Variants in PCDHGA6 observed in about 807,000 individuals in gnomAD.
PCDHGA6 encodes protocadherin gamma-A6.
Under a neutral mutation model 60.6 loss-of-function variants are expected in PCDHGA6, and 41 were observed. That is an observed-to-expected ratio of 0.68 (90% CI 0.53 to 0.88). The LOEUF is 0.88. Among genes scored for constraint, PCDHGA6 ranks in the 40% least tolerant of loss-of-function variants. The probability of loss-of-function intolerance (pLI) is 0.00; values close to 1 mark genes in which losing one functional copy is unlikely to be tolerated. For missense variants in PCDHGA6, 1,312 were observed against 1,203.0 expected (o/e 1.09, Z -1.34); for synonymous variants, 594 against 524.4 (o/e 1.13, Z -1.81).
intron 1 of PCDHGA6, chr5:141,428,054 G>A (rs763394113): frequency 6.2e-7 from 1 of 1,609,038 alleles, no homozygotes; most frequent in Admixed American, 1.7e-5. Context: ...CCAAGGTGGT[G>A]GCGGTGGACG....
chr5:141,383,861 C>T, intron 1 of PCDHGA6: 2 of 1,613,936 alleles, frequency 1.2e-6, no homozygotes, highest in Non-Finnish European at 8.5e-7. Context: ...GAGGTTCAGG[C>T]TCAAGATGGT....
At chr5:141,497,479 G>A (rs1028715475) in intron 2 of PCDHGA6, among the ~76,000 whole-genome samples, 5 of 151,886 alleles carry the variant, frequency 3.3e-5, no homozygotes, top group Non-Finnish European at 7.4e-5. Flanking sequence ...GAGAAGGTGC[G>A]GAACCTCTCT....
At chr5:141,441,782 G>T in intron 1 of PCDHGA6, 1 of 391,086 alleles carries the variant, frequency 2.6e-6, no homozygotes, top group East Asian at 8.8e-5. Context: ...TGGACGACCT[G>T]AATGACAACG....
Position 141,413,755 on chromosome 5 carries a change from A to T in PCDHGA6, c.2424+37248A>T, listed in dbSNP as rs199577406. On this transcript the variant is annotated intron_variant, in intron 1 of 3. Transcript: ENST00000517434. ...AGTTCAGAGCCGTGCCAATGGCGTC[A>T]AGTACCCGGAGCTGGTACTGGAGCA... 1.6e-4 allele frequency: 266 copies of T among 1,612,936 alleles called. 3 individuals carry two copies. In the South Asian group the frequency reaches 2.3e-3, roughly 14 times the overall value.
Position 141,394,174 on chromosome 5 carries a change from A to G in PCDHGA6, c.2424+17667A>G, listed in dbSNP as rs774402638. On this transcript the variant is annotated intron_variant, in intron 1 of 3. Coordinates refer to ENST00000517434, the MANE Select transcript of PCDHGA6 (RefSeq NM_018919.3). ...AACGACAACCCTCCTACTTTCCCTC[A>G]TGCCTCCTACTCAGCGTATATCCTA... 3 of 1,613,706 alleles carry G rather than the reference A, an allele frequency of 1.9e-6. No individual in the cohort carries two copies. In the East Asian group the frequency reaches 6.7e-5, roughly 36 times the overall value.
In PCDHGA6 at chr5:141,481,621, C is replaced by T. The variant is rs533294863; in HGVS notation, c.2425-13186C>T. Among the ~76,000 whole-genome samples the T allele has an allele frequency of 3.9e-5, 6 of 152,198 alleles. 1 individual carries two copies. Among genetic ancestry groups the T allele is most frequent in the East Asian group, 3.9e-4 (2 of 5,172 alleles). Reference sequence around the variant, plus strand: ...TCACCTGAGGCCAGGAGTTCAAGACCGGCCTGGCCAACATGGTGAAACTTC... The same window carrying T: ...TCACCTGAGGCCAGGAGTTCAAGACTGGCCTGGCCAACATGGTGAAACTTC... On this transcript the variant is annotated intron_variant, in intron 1 of 3. Transcript: ENST00000517434.
intron 1 of PCDHGA6, among the ~76,000 whole-genome samples, chr5:141,429,759 C>T (rs1233949322): frequency 6.6e-6 from 1 of 151,946 alleles, no homozygotes; most frequent in East Asian, 1.9e-4. Flanking sequence ...GAATTTTTTC[C>T]CTATATTTTG....
At chr5:141,394,463 G>C (rs1244366845) in intron 1 of PCDHGA6, 1 of 1,614,130 alleles carries the variant, frequency 6.2e-7, no homozygotes, top group Non-Finnish European at 8.5e-7. Flanking sequence ...CACTGAGCCT[G>C]TTCGTGCTGG....
intron 2 of PCDHGA6, among the ~76,000 whole-genome samples, chr5:141,497,522 G>A (rs998999424): frequency 3.3e-5 from 5 of 150,848 alleles, no homozygotes; most frequent in African/African-American, 4.9e-5. Flanking sequence ...TAGTTAACTT[G>A]TGGAGGATGC....
chr5:141,475,653 G>T (rs982063429), intron 1 of PCDHGA6, among the ~76,000 whole-genome samples: 2 of 152,238 alleles, frequency 1.3e-5, no homozygotes, highest in African/African-American at 2.4e-5. Context: ...CAAAGAAAGT[G>T]ATTCAAATGT....
At chr5:141,410,851 T>A in intron 1 of PCDHGA6, 3 of 207,068 alleles carry the variant, frequency 1.4e-5, no homozygotes, top group Non-Finnish European at 1.7e-5. Flanking sequence ...GTCTTTGTCT[T>A]TTTTTTTTTT....
chr5:141,435,059 G>A (rs2097741198), intron 1 of PCDHGA6, among the ~76,000 whole-genome samples: 1 of 152,042 alleles, frequency 6.6e-6, no homozygotes, highest in Non-Finnish European at 1.5e-5. Context: ...CCATGCAGCA[G>A]TTTTGTGTAG....
chr5:141,476,979 G>T lies in PCDHGA6; in HGVS notation c.2425-17828G>T. The T allele has an allele frequency of 1.2e-6, 2 of 1,614,238 alleles. No individual in the cohort carries two copies. The highest frequency in any genetic ancestry group is 1.7e-6 in the Non-Finnish European group (2 of 1,180,042). The stretch of plus-strand genomic sequence containing the variant: ...ATTTACTCCTTCGGCAGCCACAACC[G>T]CGCCGGCGTGCGGCAACTATTCGCC... On this transcript the variant is annotated intron_variant, in intron 1 of 3. Coordinates refer to ENST00000517434, the MANE Select transcript of PCDHGA6 (RefSeq NM_018919.3). This position sits in a 1 kb window ranked among gnomAD's most constrained non-coding sequence, Gnocchi z 7.6.
chr5:141,389,669 C>T (rs747451761), intron 1 of PCDHGA6: 14 of 1,612,326 alleles, frequency 8.7e-6, no homozygotes, highest in Non-Finnish European at 9.3e-6. Flanking sequence ...TGGACGCAGA[C>T]TCAGGACACA....
Position 141,434,824 on chromosome 5 carries a change from A to C in PCDHGA6, c.2424+58317A>C, listed in dbSNP as rs143305842. ...CTTGGAGAAATATATCCCTTAGTACACTTGGCATTTATAAAGCAGACATCA... is the reference window on the plus strand; with the variant it reads ...CTTGGAGAAATATATCCCTTAGTACCCTTGGCATTTATAAAGCAGACATCA... On this transcript the variant is annotated intron_variant, in intron 1 of 3. Coordinates refer to ENST00000517434, the MANE Select transcript of PCDHGA6 (RefSeq NM_018919.3). 7.9e-4 allele frequency among the ~76,000 whole-genome samples: 120 copies of C among 152,004 alleles called. 2 individuals are homozygous for C. The highest frequency in any genetic ancestry group is 2.8e-3 in the African/African-American group (115 of 41,454).
rs1158395811 is a variant in PCDHGA6, at chr5:141,476,020, T to TCGGCGCC, written c.2425-18785_2425-18779dup. The stretch of plus-strand genomic sequence containing the variant: ...CGGCATCCAGAAAGCCATGTCGGAC[T>TCGGCGCC]CGGCGCCCAGCGCCCAAGCGCTAAC... On this transcript the variant is annotated intron_variant, in intron 1 of 3. Transcript: ENST00000517434. The surrounding 1 kb of genome is among the most constrained non-coding windows in gnomAD (Gnocchi z 7.6). 2.1e-6 allele frequency: 3 copies of TCGGCGCC among 1,398,716 alleles called. No homozygotes were observed. The African/African-American group carries it at 4.3e-5, about 20-fold the overall frequency. The allele number at this position is 1,398,716 out of a possible 1,614,324, so 86.6% of individuals were successfully genotyped here. A position where few individuals can be genotyped will look rare whatever the true frequency, so the allele number is the denominator to read the frequency against.
In PCDHGA6 at chr5:141,476,327, G is replaced by A. The variant is rs2099389169; in HGVS notation, c.2425-18480G>A. The A allele has an allele frequency of 1.2e-6, 2 of 1,614,192 alleles. No individual in the cohort carries two copies. Among genetic ancestry groups the A allele is most frequent in the African/African-American group, 1.3e-5 (1 of 75,046 alleles). On this transcript the variant is annotated intron_variant, in intron 1 of 3. Transcript: ENST00000517434. The surrounding 1 kb of genome is among the most constrained non-coding windows in gnomAD (Gnocchi z 7.6). ...AGCCCGCAGGTTCCGGGTGGTGTCT[G>A]GAGCTAGCCGAAGATTCTTTGAGGT...
At chr5:141,405,543 C>T (rs1027086926) in intron 1 of PCDHGA6, 27 of 634,834 alleles carry the variant, frequency 4.3e-5, no homozygotes, top group Non-Finnish European at 7.1e-5. Flanking sequence ...CCTCAGCCTC[C>T]CAAGTAGAGT....
rs1486897870 is a variant in PCDHGA6, at chr5:141,375,176, GT to G, written c.1094del (p.Val365GlufsTer14). 1 of 1,614,018 alleles carries G rather than the reference GT, an allele frequency of 6.2e-7. No individual in the cohort carries two copies. The highest frequency in any genetic ancestry group is 1.1e-5 in the South Asian group (1 of 91,086). On this transcript the variant is annotated frameshift_variant, in exon 1 of 4. Coordinates refer to ENST00000517434, the MANE Select transcript of PCDHGA6 (RefSeq NM_018919.3). LOFTEE classifies it high-confidence loss of function. ...TIAESAPPGT[V>X]IALFQVFDRD... The stretch of plus-strand genomic sequence containing the variant: ...TGCTGAAAGTGCACCTCCAGGAACA[GT>G]AATCGCCCTTTTTCAAGTGTTCGAT...
Sources: allele counts gnomAD v4.1 joint callset (sites outside exome capture counted in the v4.1 genomes callset), GRCh38; gene constraint gnomAD v4.1.1; non-coding constraint Gnocchi (gnomAD v3.1); transcripts MANE v1.5; gene names NCBI Gene and HGNC (gene_info 2026-07-23, HGNC 2026-07-21).